The following CD55 variants were observed in gnomAD, a reference collection of about 807,000 sequenced individuals.
The protein encoded by CD55 is complement decay-accelerating factor.
In CD55, 41 loss-of-function variants were observed where a neutral mutation model predicts 45.8. That is an observed-to-expected ratio of 0.90 (90% CI 0.70 to 1.16). The LOEUF is 1.16. CD55 is among the 50% of genes most tolerant of loss of function. The pLI is 0.00. For synonymous variants in CD55, 181 were observed against 181.1 expected, an observed-to-expected ratio of 1.00 and a Z score of 0.01; for missense variants, 416 against 469.8, an observed-to-expected ratio of 0.89 and a Z score of 1.06.
rs778135209 is a variant in CD55, at chr1:207,340,529, C to G, written c.1081+1112C>G. 4.3e-6 allele frequency: 3 copies of G among 698,110 alleles called. No homozygotes were observed. In the African/African-American group the frequency reaches 5.3e-5, roughly 12 times the overall value. The allele number at this position is 698,110 out of a possible 1,614,324, so 43.2% of individuals were successfully genotyped here. ...TACAGGTGTGTGCCACGACACCCGG[C>G]TAAGTTTTTGAAATTTATTTTTTGT... On this transcript the variant is annotated intron_variant, in intron 9 of 9. Transcript: ENST00000367064.
At chr1:207,356,006 A>G (rs542661429) in intron 9 of CD55, among the ~76,000 whole-genome samples, 2 of 152,350 alleles carry the variant, frequency 1.3e-5, no homozygotes, top group South Asian at 4.1e-4. Flanking sequence ...GACATAAGGA[A>G]GCCATATACA....
chr1:207,327,314 T>C (rs545256126), intron 5 of CD55, among the ~76,000 whole-genome samples: 1 of 152,202 alleles, frequency 6.6e-6, no homozygotes, highest in East Asian at 1.9e-4. Flanking sequence ...ACATGCTGCT[T>C]CTTAGGATTA....
intron 9 of CD55, among the ~76,000 whole-genome samples, chr1:207,343,700 A>T (rs1013382690): frequency 6.6e-6 from 1 of 152,172 alleles, no homozygotes; most frequent in Non-Finnish European, 1.5e-5. Flanking sequence ...CTAATGTGCA[A>T]TTTAAATCCA....
intron 9 of CD55, among the ~76,000 whole-genome samples, chr1:207,351,511 G>C (rs907909166): frequency 2.3e-4 from 35 of 152,142 alleles, no homozygotes; most frequent in African/African-American, 8.2e-4. Flanking sequence ...CTTGTCTTAT[G>C]AATCTGGATG....
intron 1 of CD55, 117 bp downstream of exon 1, chr1:207,321,982 G>GTGGTTCCCGCCGTCC: frequency 1.4e-6 from 1 of 705,194 alleles, no homozygotes; most frequent in African/African-American, 1.8e-5. Context: ...GCCCGCGGTC[G>GTGGTTCCCGCCGTCC]TGGTTCCCGC....
intron 8 of CD55, among the ~76,000 whole-genome samples, chr1:207,338,621 T>G (rs1050468272): frequency 3.3e-5 from 5 of 152,168 alleles, no homozygotes; most frequent in Non-Finnish European, 7.4e-5. Context: ...CAGGGCACAA[T>G]ATAAAAAAAT....
chr1:207,352,880 T>A (rs1021653580), intron 9 of CD55, among the ~76,000 whole-genome samples: 2 of 152,094 alleles, frequency 1.3e-5, no homozygotes, highest in African/African-American at 4.8e-5. Flanking sequence ...TGATTTTTTT[T>A]AATGTATTAT....
intron 6 of CD55, 122 bp downstream of exon 6, chr1:207,331,418 A>G (rs973492612): frequency 7.9e-6 from 6 of 763,240 alleles, no homozygotes; most frequent in Non-Finnish European, 1.3e-5. Context: ...ACATATTTGT[A>G]TTTTTCTGTG....
At chr1:207,329,674 C>T (rs192897314) in intron 5 of CD55, among the ~76,000 whole-genome samples, 98 of 151,998 alleles carry the variant, frequency 6.4e-4, no homozygotes, top group African/African-American at 2.2e-3. Flanking sequence ...TGCAGTGGTG[C>T]GATCACAGCT....
chr1:207,324,832 C>T, intron 3 of CD55, 82 bp downstream of exon 3: 3 of 761,268 alleles, frequency 3.9e-6, no homozygotes, highest in Non-Finnish European at 6.4e-6. Flanking sequence ...TGCTAGAACT[C>T]TATGTGTATA....
At chr1:207,321,990 C>A (rs2102370768) in intron 1 of CD55, 125 bp downstream of exon 1, 5 of 666,732 alleles carry the variant, frequency 7.5e-6, no homozygotes, top group Admixed American at 5.9e-5. Flanking sequence ...TCGTGGTTCC[C>A]GCCGTCCTGT....
intron 9 of CD55, chr1:207,347,320 C>T (rs28371631): frequency 0.014 from 5,697 of 416,492 alleles, 262 homozygotes; most frequent in African/African-American, 0.1. Context: ...AGTGCAGTGG[C>T]GTGATCTCGG....
rs1158530646 is a variant in CD55, at chr1:207,340,609, C to T, written c.1081+1192C>T. ...CTGGTTTCAAACTCCTGGCCGTAAGCGATTTTTCCGGCCTCCCAAAACGTT... is the reference window on the plus strand; with the variant it reads ...CTGGTTTCAAACTCCTGGCCGTAAGTGATTTTTCCGGCCTCCCAAAACGTT... On this transcript the variant is annotated intron_variant, in intron 9 of 9. Transcript: ENST00000367064. 8 of 680,066 alleles carry T rather than the reference C, an allele frequency of 1.2e-5. No homozygotes were observed. In the East Asian group the frequency reaches 1.7e-4, roughly 14 times the overall value. The allele number at this position is 680,066 out of a possible 1,614,324, so 42.1% of individuals were successfully genotyped here.
At position 207,324,737 on chromosome 1, in the gene CD55, C is replaced by A. The variant is rs767069550; in HGVS notation, c.465C>A (p.Val155=). 2 of 1,597,696 alleles carry A rather than the reference C, an allele frequency of 1.3e-6. No homozygotes were observed. Among genetic ancestry groups the A allele is most frequent in the African/African-American group, 2.7e-5 (2 of 73,918 alleles). The part of the protein sequence containing the change: ...CLQNLKWSTA[V]EFCKKKSCPN... ...AGAATTTAAAATGGTCCACAGCAGT[C>A]GAATTTTGTAAAAGTGAGTAAAATT... is the stretch of plus-strand genomic sequence containing the variant. The change falls in exon 3 of 10, where the codon GTC becomes GTA. Residue 155 remains valine, a synonymous_variant. Coordinates refer to ENST00000367064, the MANE Select transcript of CD55 (RefSeq NM_000574.5).
chr1:207,323,274 T>G (rs182643142), intron 2 of CD55, among the ~76,000 whole-genome samples: 144 of 150,358 alleles, frequency 9.6e-4, no homozygotes, highest in African/African-American at 2.4e-3. Flanking sequence ...TATAGGGAGA[T>G]ATATATATAT....
At chr1:207,350,500 G>C (rs1414138165) in intron 9 of CD55, among the ~76,000 whole-genome samples, 1 of 152,074 alleles carries the variant, frequency 6.6e-6, no homozygotes, top group African/African-American at 2.4e-5. Context: ...TTTCTGGTTG[G>C]TAGGTTTTTT....
intron 9 of CD55, among the ~76,000 whole-genome samples, chr1:207,352,246 G>C (rs1338896598): frequency 2.7e-5 from 4 of 146,270 alleles, no homozygotes; most frequent in African/African-American, 1.0e-4. Flanking sequence ...ATTTTTTTTT[G>C]TGGGGGGTGG....
chr1:207,358,270 T>G (rs1307469503), intron 9 of CD55, among the ~76,000 whole-genome samples: 1 of 152,206 alleles, frequency 6.6e-6, no homozygotes, highest in East Asian at 1.9e-4. Context: ...TCATACTGAT[T>G]TAATTAAATA....
At chr1:207,358,163 A>G (rs1157309043) in intron 9 of CD55, among the ~76,000 whole-genome samples, 1 of 152,164 alleles carries the variant, frequency 6.6e-6, no homozygotes, top group Non-Finnish European at 1.5e-5. Context: ...TGTCTTTTTT[A>G]TGTGCACATA....
Sources: allele counts gnomAD v4.1 joint callset (sites outside exome capture counted in the v4.1 genomes callset), GRCh38; gene constraint gnomAD v4.1.1; transcripts MANE v1.5; gene names NCBI Gene and HGNC (gene_info 2026-07-23, HGNC 2026-07-21).